FREM3: variants seen among roughly 807,000 people sequenced by gnomAD.
The protein encoded by FREM3 is FRAS1-related extracellular matrix protein 3.
Under a neutral mutation model 129.1 loss-of-function variants are expected in FREM3, and 105 were observed. That is an observed-to-expected ratio of 0.81 (90% CI 0.69 to 0.96). FREM3 has a LOEUF of 0.96. Ranked by LOEUF, FREM3 falls within the 40% of genes least tolerant of loss-of-function variation. The probability of loss-of-function intolerance (pLI) is 0.00; values close to 1 mark genes in which losing one functional copy is unlikely to be tolerated. For synonymous variants in FREM3, 1,014 were observed against 1,044.9 expected (o/e 0.97, Z 0.57); for missense variants, 2,593 against 2,666.3 (o/e 0.97, Z 0.61).
chr4:143,641,778 C>G (rs115803428), intron 2 of FREM3, among the ~76,000 whole-genome samples: 19 of 152,278 alleles, frequency 1.2e-4, no homozygotes, highest in Admixed American at 7.9e-4. Context: ...CTTACACACT[C>G]TTGGGTAAAA....
intron 2 of FREM3, among the ~76,000 whole-genome samples, chr4:143,662,271 A>G (rs1258350726): frequency 6.6e-6 from 1 of 152,120 alleles, no homozygotes; most frequent in Non-Finnish European, 1.5e-5. Context: ...TGTGTCCCAG[A>G]GATTCTGGTA....
chr4:143,581,572 C>G (rs1041195268), intron 7 of FREM3, among the ~76,000 whole-genome samples: 3 of 151,998 alleles, frequency 2.0e-5, no homozygotes, highest in Non-Finnish European at 2.9e-5. Context: ...CTGACAGCCC[C>G]TCTGCCACTG....
At chr4:143,641,561 T>A (rs1739321398) in intron 2 of FREM3, among the ~76,000 whole-genome samples, 1 of 152,192 alleles carries the variant, frequency 6.6e-6, no homozygotes, top group Non-Finnish European at 1.5e-5. Context: ...TCTGTAATCA[T>A]AATATCCATT....
rs776725363 is a variant in FREM3 at position 143,699,107 on chromosome 4, G to A, written c.1569C>T (p.Asp523=). The A allele has an allele frequency of 2.0e-5, 30 of 1,537,390 alleles. No individual in the cohort carries two copies. The highest frequency in any genetic ancestry group is 1.9e-4 in the African/African-American group (14 of 73,126). Residue 523 remains aspartate (D), a synonymous_variant, in exon 1 of 8, where the codon GAC becomes GAT. Coordinates refer to ENST00000329798, the MANE Select transcript of FREM3 (RefSeq NM_001168235.2). This position sits in a 1 kb window ranked among gnomAD's most constrained non-coding sequence, Gnocchi z 4.2. ...YSDNIIFRME[D]GHHQVDFLFP... Reference sequence around the variant, plus strand: ...AGAGGAAGTCCACTTGGTGGTGCCCGTCCTCCATCCGGAAGATGATATTGT... The same window carrying A: ...AGAGGAAGTCCACTTGGTGGTGCCCATCCTCCATCCGGAAGATGATATTGT...
chr4:143,577,787 A>G lies in FREM3; in HGVS notation c.6244T>C (p.Phe2082Leu). 1 of 1,537,326 alleles carries G rather than the reference A, an allele frequency of 6.5e-7. No homozygotes were observed. The highest frequency in any genetic ancestry group is 8.7e-7 in the Non-Finnish European group (1 of 1,146,926). ...AGGTCATCAAGGATGGTCACTTGGA[A>G]TGTCTGCATGCGCACGCCTGGAGCA... ...DFAPGVRMQT[F>L]QVTILDDLGQ... Residue 2082 changes from phenylalanine to leucine, a missense_variant, in exon 8 of 8, where the codon TTC (phenylalanine) becomes CTC (leucine). Around this residue, in one of 2 missense-constraint regions of FREM3, gnomAD observed 317 missense variants for 399.0 expected, o/e 0.79. Coordinates refer to ENST00000329798, the MANE Select transcript of FREM3 (RefSeq NM_001168235.2).
intron 2 of FREM3, among the ~76,000 whole-genome samples, chr4:143,657,119 T>C (rs1362425693): frequency 6.6e-6 from 1 of 152,266 alleles, no homozygotes; most frequent in African/African-American, 2.4e-5. Context: ...CTTTCCTGAC[T>C]GTTCATTGCA....
intron 6 of FREM3, among the ~76,000 whole-genome samples, chr4:143,608,937 C>CA (rs1209905910): frequency 6.6e-6 from 1 of 152,052 alleles, no homozygotes; most frequent in Non-Finnish European, 1.5e-5. Context: ...AAGTTCATGA[C>CA]AAAATTTTAA....
intron 2 of FREM3, among the ~76,000 whole-genome samples, chr4:143,644,679 A>G (rs1480324161): frequency 6.6e-6 from 1 of 152,222 alleles, no homozygotes; most frequent in East Asian, 1.9e-4. Context: ...TTCAATCTAC[A>G]AAGCATATAA....
chr4:143,644,391 A>C (rs1739377895), intron 2 of FREM3, among the ~76,000 whole-genome samples: 1 of 152,194 alleles, frequency 6.6e-6, no homozygotes, highest in South Asian at 2.1e-4. Flanking sequence ...CTAAAATATA[A>C]AGAATGAGTA....
Position 143,577,447 on chromosome 4 carries a change from T to A in FREM3, c.*164A>T, listed in dbSNP as rs1003012710. On this transcript the variant is annotated 3_prime_UTR_variant, in exon 8 of 8. Coordinates refer to ENST00000329798, the MANE Select transcript of FREM3 (RefSeq NM_001168235.2). ...TTTTCTAGGTATATATATTTCTATC[T>A]CCATGCAGTCATATAAATTACATTT... 29 of 626,850 alleles carry A rather than the reference T, an allele frequency of 4.6e-5. No individual in the cohort carries two copies. Among genetic ancestry groups the A allele is most frequent in the Non-Finnish European group, 7.6e-5 (28 of 368,800 alleles). The allele number at this position is 626,850 out of a possible 1,614,324, so 38.8% of individuals were successfully genotyped here.
At chr4:143,674,924 C>G (rs774468398) in intron 2 of FREM3, among the ~76,000 whole-genome samples, 1 of 152,212 alleles carries the variant, frequency 6.6e-6, no homozygotes, top group Admixed American at 6.5e-5. Flanking sequence ...GAGACTTAGA[C>G]TCCCACACAA....
intron 6 of FREM3, among the ~76,000 whole-genome samples, chr4:143,602,851 G>GA (rs1413308226): frequency 6.6e-6 from 1 of 152,116 alleles, no homozygotes; most frequent in Admixed American, 6.6e-5. Context: ...CCAAAAGAAG[G>GA]AAAAATGGGT....
At chr4:143,674,859 T>G (rs146587439) in intron 2 of FREM3, among the ~76,000 whole-genome samples, 2 of 152,004 alleles carry the variant, frequency 1.3e-5, no homozygotes, top group African/African-American at 4.8e-5. Context: ...AAATATATAT[T>G]CACCCAATAC....
intron 1 of FREM3, among the ~76,000 whole-genome samples, chr4:143,693,496 G>A (rs72725110): frequency 0.21 from 32,016 of 152,148 alleles, 4,217 homozygotes; most frequent in Non-Finnish European, 0.3. Flanking sequence ...ATACATTGTT[G>A]GTAGGAGTGT....
intron 2 of FREM3, among the ~76,000 whole-genome samples, chr4:143,633,060 G>A (rs929816126): frequency 6.6e-6 from 1 of 152,134 alleles, no homozygotes; most frequent in African/African-American, 2.4e-5. Flanking sequence ...GAGGCTGCAG[G>A]TCAACTGCAT....
intron 3 of FREM3, among the ~76,000 whole-genome samples, 187 bp from the exon 4 acceptor site, chr4:143,624,525 T>C (rs1021819700): frequency 5.9e-5 from 9 of 152,106 alleles, no homozygotes; most frequent in African/African-American, 1.4e-4. Flanking sequence ...TTGAATAGAA[T>C]TGAGAAGAAA....
chr4:143,630,459 T>C (rs1343341404), intron 2 of FREM3, among the ~76,000 whole-genome samples: 1 of 152,170 alleles, frequency 6.6e-6, no homozygotes, highest in African/African-American at 2.4e-5. Flanking sequence ...TCATATTCCT[T>C]TGCAATCTGC....
intron 2 of FREM3, among the ~76,000 whole-genome samples, chr4:143,647,196 A>G (rs1342544517): frequency 6.6e-6 from 1 of 152,256 alleles, no homozygotes; most frequent in East Asian, 1.9e-4. Context: ...TGCCCTAGAG[A>G]TCTGTGGAAC....
Position 143,585,842 on chromosome 4 carries a change from A to G in FREM3, c.6178+2T>C. ...GATATATTCTTTAAGTGGCCCTCTC[A>G]CCTTCTGCTGACTCCTGCTCTGACT... is the stretch of plus-strand genomic sequence containing the variant. On this transcript the variant is annotated splice_donor_variant, in intron 7 of 7. Transcript: ENST00000329798. LOFTEE classifies it high-confidence loss of function. The surrounding 1 kb of genome is among the most constrained non-coding windows in gnomAD (Gnocchi z 4.2). 2 of 1,537,074 alleles carry G rather than the reference A, an allele frequency of 1.3e-6. No homozygotes were observed. The highest frequency in any genetic ancestry group is 1.7e-6 in the Non-Finnish European group (2 of 1,146,860).
Sources: allele counts gnomAD v4.1 joint callset (sites outside exome capture counted in the v4.1 genomes callset), GRCh38; gene constraint gnomAD v4.1.1; regional missense constraint gnomAD v4.1.1; non-coding constraint Gnocchi (gnomAD v3.1); transcripts MANE v1.5; gene names NCBI Gene and HGNC (gene_info 2026-07-23, HGNC 2026-07-21).